Variants in ANKRD30BL observed in about 807,000 individuals in gnomAD.
ANKRD30BL encodes the protein ankyrin repeat domain 30B like.
A neutral mutation model predicts 18.4 loss-of-function variants in ANKRD30BL; 20 were observed. The observed-to-expected ratio is 1.09, with a 90% CI of 0.77 to 1.58. ANKRD30BL has a LOEUF of 1.58. ANKRD30BL is among the 40% of genes most tolerant of loss of function. The pLI is 0.00. For missense variants in ANKRD30BL, 224 were observed against 268.6 expected, an observed-to-expected ratio of 0.83 and a Z score of 1.16; for synonymous variants, 72 against 100.9, an observed-to-expected ratio of 0.71 and a Z score of 1.72.
At chr2:132,167,135 T>G (rs998980431) in intron 1 of ANKRD30BL, among the ~76,000 whole-genome samples, 3 of 151,194 alleles carry the variant, frequency 2.0e-5, no homozygotes, top group African/African-American at 7.3e-5. Context: ...GGTCTGAGTG[T>G]GTACTTTGTA....
intron 1 of ANKRD30BL, among the ~76,000 whole-genome samples, chr2:132,220,224 C>G (rs1342294651): frequency 6.6e-6 from 1 of 152,068 alleles, no homozygotes; most frequent in Non-Finnish European, 1.5e-5. Flanking sequence ...TGTGTGCATT[C>G]AACTCACAGT....
intron 1 of ANKRD30BL, among the ~76,000 whole-genome samples, chr2:132,210,177 T>A (rs1410045302): frequency 6.7e-6 from 1 of 150,118 alleles, no homozygotes. Context: ...CTTTGCGGCC[T>A]ATAGTGGAAA....
chr2:132,236,364 C>T (rs1449513723), intron 1 of ANKRD30BL, among the ~76,000 whole-genome samples: 1 of 152,054 alleles, frequency 6.6e-6, no homozygotes, highest in Non-Finnish European at 1.5e-5. Context: ...AACATTTTTG[C>T]AACCTACTCA....
chr2:132,240,918 T>TA (rs566544167), intron 1 of ANKRD30BL, among the ~76,000 whole-genome samples: 73 of 151,892 alleles, frequency 4.8e-4, no homozygotes, highest in Admixed American at 1.8e-3. Context: ...TTTCTTTTGA[T>TA]ACAGCACTTT....
chr2:132,255,111 C>T (rs948577643), intron 1 of ANKRD30BL, among the ~76,000 whole-genome samples: 3 of 152,330 alleles, frequency 2.0e-5, no homozygotes, highest in Admixed American at 6.5e-5. Flanking sequence ...ACCGCCACAT[C>T]GCCAGTTGGC....
intron 1 of ANKRD30BL, among the ~76,000 whole-genome samples, chr2:132,214,149 G>C (rs1033279694): frequency 6.6e-6 from 1 of 151,984 alleles, no homozygotes; most frequent in Non-Finnish European, 1.5e-5. Flanking sequence ...TGGTGGAAAA[G>C]GAAATATCTT....
intron 1 of ANKRD30BL, among the ~76,000 whole-genome samples, chr2:132,222,970 G>A (rs1476814651): frequency 2.0e-5 from 3 of 149,570 alleles, no homozygotes; most frequent in Non-Finnish European, 4.4e-5. Flanking sequence ...AGTATTCTCA[G>A]AAACTTCTTT....
chr2:132,254,666 G>A (rs1378170929), intron 1 of ANKRD30BL, among the ~76,000 whole-genome samples: 1 of 152,258 alleles, frequency 6.6e-6, no homozygotes, highest in Non-Finnish European at 1.5e-5. Context: ...CACACGCTGA[G>A]CCAGTCAGTG....
At chr2:132,215,906 T>C (rs1333081062) in intron 1 of ANKRD30BL, among the ~76,000 whole-genome samples, 1 of 151,850 alleles carries the variant, frequency 6.6e-6, no homozygotes, top group East Asian at 1.9e-4. Flanking sequence ...AGAAAGTTTT[T>C]TGTGATGTAT....
chr2:132,154,841 A>C (rs1687859607), intron 3 of ANKRD30BL, 73 bp from the exon 4 acceptor site: 1 of 586,282 alleles, frequency 1.7e-6, no homozygotes, highest in African/African-American at 1.9e-5. Flanking sequence ...ACCTTATATA[A>C]TATCCTATGA....
At chr2:132,160,907 A>G (rs1311541136) in intron 1 of ANKRD30BL, among the ~76,000 whole-genome samples, 1 of 150,416 alleles carries the variant, frequency 6.6e-6, no homozygotes, top group East Asian at 2.0e-4. Context: ...AAGAACTTGC[A>G]TCTTCAGAAA....
intron 1 of ANKRD30BL, among the ~76,000 whole-genome samples, chr2:132,184,179 TCTC>T (rs1408857416): frequency 8.5e-5 from 13 of 152,112 alleles, no homozygotes; most frequent in African/African-American, 3.1e-4. Context: ...TTCAAGCTAT[TCTC>T]CTTCCTTAGC....
At chr2:132,238,178 G>A (rs1205348911) in intron 1 of ANKRD30BL, among the ~76,000 whole-genome samples, 5 of 152,022 alleles carry the variant, frequency 3.3e-5, no homozygotes, top group Non-Finnish European at 5.9e-5. Flanking sequence ...TCTTTGCGAT[G>A]TGCGTACTCA....
intron 1 of ANKRD30BL, among the ~76,000 whole-genome samples, chr2:132,206,580 G>C (rs948940106): frequency 6.6e-6 from 1 of 152,272 alleles, no homozygotes; most frequent in Non-Finnish European, 1.5e-5. Context: ...TGCATGTAGA[G>C]TACTTAGTGA....
chr2:132,234,436 C>T (rs2104786783), intron 1 of ANKRD30BL, among the ~76,000 whole-genome samples: 1 of 151,944 alleles, frequency 6.6e-6, no homozygotes, highest in South Asian at 2.1e-4. Context: ...TGATAGACAG[C>T]TAGCAAGACT....
intron 1 of ANKRD30BL, among the ~76,000 whole-genome samples, chr2:132,230,015 A>G (rs1183296513): frequency 1.3e-5 from 2 of 152,148 alleles, no homozygotes; most frequent in East Asian, 3.8e-4. Flanking sequence ...TGATGTGTGC[A>G]TTCAACTCAC....
chr2:132,238,154 A>G (rs1264205387), intron 1 of ANKRD30BL, among the ~76,000 whole-genome samples: 1 of 151,882 alleles, frequency 6.6e-6, no homozygotes, highest in East Asian at 1.9e-4. Context: ...AAGACAGAAG[A>G]ATTCTCAGAA....
At chr2:132,199,414 G>A (rs973091663) in intron 1 of ANKRD30BL, among the ~76,000 whole-genome samples, 2 of 152,058 alleles carry the variant, frequency 1.3e-5, no homozygotes, top group African/African-American at 4.8e-5. Context: ...GCCAGGCACT[G>A]TGCTAAATAC....
intron 1 of ANKRD30BL, chr2:132,253,088 C>T: frequency 6.2e-6 from 1 of 160,954 alleles, no homozygotes. Context: ...CCCGTGGGCC[C>T]TGCCAGGGAA....
Sources: gnomAD v4.1 joint callset for allele counts (sites outside exome capture counted in the v4.1 genomes callset) on GRCh38, gnomAD v4.1.1 for gene constraint, MANE v1.5 for transcripts, NCBI Gene and HGNC (gene_info 2026-07-23, HGNC 2026-07-21) for gene names.